The following SYCP2 variants were observed in gnomAD, a reference collection of about 807,000 sequenced individuals.
SYCP2 encodes the protein synaptonemal complex lateral element protein.
SYCP2 carries 55 observed loss-of-function variants against 211.3 expected under a neutral mutation model. The ratio of observed to expected loss-of-function variants is 0.26; its 90% CI spans 0.21 to 0.33. The LOEUF is 0.33. SYCP2 is among the 10% of genes least tolerant of loss of function. The pLI is 1.00. For synonymous variants in SYCP2, 570 were observed against 555.2 expected (o/e 1.03, Z -0.37); for missense variants, 1,731 against 1,752.0 (o/e 0.99, Z 0.21).
intron 26 of SYCP2, among the ~76,000 whole-genome samples, chr20:59,884,755 G>A (rs2059753387): frequency 1.3e-5 from 2 of 151,712 alleles, no homozygotes; most frequent in Non-Finnish European, 2.9e-5. Context: ...TGTTAAAGAA[G>A]GTAAGCAAAA....
At chr20:59,900,017 T>C (rs745610515) in intron 18 of SYCP2, 121 bp downstream of exon 18, 2 of 1,092,236 alleles carry the variant, frequency 1.8e-6, no homozygotes, top group East Asian at 2.4e-5. Flanking sequence ...AGAAACACTC[T>C]GAAATGTGAT....
intron 12 of SYCP2, 65 bp downstream of exon 12, chr20:59,913,910 C>T: frequency 8.3e-7 from 1 of 1,206,878 alleles, no homozygotes; most frequent in Non-Finnish European, 1.2e-6. Flanking sequence ...AGATGCAACA[C>T]TGGGTGCTCA....
chr20:59,892,054 T>C lies in SYCP2; in HGVS notation c.2300A>G (p.His767Arg). The change falls in exon 24 of 45, where the codon CAT (histidine) becomes CGT (arginine). Residue 767 changes from histidine to arginine, a missense_variant. By Grantham distance (29) the His-to-Arg change is conservative (BLOSUM62 0). This residue lies in a region of SYCP2 where 1,387 missense variants were observed against 1,351.3 expected (regional missense o/e 1.03). Coordinates refer to ENST00000357552, the MANE Select transcript of SYCP2 (RefSeq NM_014258.4). The part of the protein sequence containing the change: ...NPSASKNVQS[H>R]RKAEKELTSE... Reference sequence around the variant, plus strand: ...AGTCAATTCTTTCTCTGCTTTTCTATGACTTTGCACATTTTTGCTAGCAGA... The same window carrying C: ...AGTCAATTCTTTCTCTGCTTTTCTACGACTTTGCACATTTTTGCTAGCAGA... 3 of 1,610,480 alleles carry C rather than the reference T, an allele frequency of 1.9e-6. No homozygotes were observed. The highest frequency in any genetic ancestry group is 2.2e-5 in the East Asian group (1 of 44,792).
At chr20:59,912,738 C>T (rs913959510) in intron 12 of SYCP2, among the ~76,000 whole-genome samples, 1 of 152,144 alleles carries the variant, frequency 6.6e-6, no homozygotes, top group Non-Finnish European at 1.5e-5. Context: ...TCATAATTCC[C>T]ATGTGTTGTG....
At position 59,914,034 on chromosome 20, in the gene SYCP2, T is replaced by G. The variant is rs763846360; in HGVS notation, c.778-7A>C. On this transcript the variant is annotated splice_polypyrimidine_tract_variant and splice_region_variant and intron_variant, in intron 11 of 44. Transcript: ENST00000357552. ...TGAGAAATATCCTGCAATCCTAATTTTAAAGAGAAATACTTTTAAAAATCA... is the reference window on the plus strand; with the variant it reads ...TGAGAAATATCCTGCAATCCTAATTGTAAAGAGAAATACTTTTAAAAATCA... 1.0e-5 allele frequency: 16 copies of G among 1,591,420 alleles called. No homozygotes were observed. The highest frequency in any genetic ancestry group is 1.4e-5 in the Non-Finnish European group (16 of 1,169,052).
In SYCP2 at chr20:59,892,403, T is replaced by G. The variant is rs1391811122; in HGVS notation, c.1951A>C (p.Thr651Pro). Residue 651 changes from threonine to proline, a missense_variant, in exon 24 of 45, where the codon ACT (threonine) becomes CCT (proline). Thr to Pro is a conservative substitution (Grantham distance 38). This residue lies in a region of SYCP2 where 1,387 missense variants were observed against 1,351.3 expected (regional missense o/e 1.03). Transcript: ENST00000357552. The stretch of plus-strand genomic sequence containing the variant: ...ATTGAAGAGGATGATTTTTGTTTAG[T>G]AAGTTTTTTATTTATAACAATATCT... ...NQDIVINKKL[T>P]KQKSSSSISD... 2.0e-6 allele frequency: 3 copies of G among 1,537,870 alleles called. No individual in the cohort carries two copies. The highest frequency in any genetic ancestry group is 2.6e-6 in the Non-Finnish European group (3 of 1,134,794).
At chr20:59,886,905 A>T in intron 24 of SYCP2, 71 bp from the exon 25 acceptor site, 1 of 1,236,558 alleles carries the variant, frequency 8.1e-7, no homozygotes, top group Non-Finnish European at 1.1e-6. Context: ...GGCTGAAAAA[A>T]ACTTTTAAGA....
chr20:59,915,661 T>C, intron 8 of SYCP2, 111 bp from the exon 9 acceptor site: 1 of 702,516 alleles, frequency 1.4e-6, no homozygotes, highest in Non-Finnish European at 2.5e-6. Flanking sequence ...AATCACTGAG[T>C]TTTATTATGG....
intron 26 of SYCP2, among the ~76,000 whole-genome samples, chr20:59,884,290 CAATT>C (rs2059743432): frequency 1.3e-5 from 2 of 151,798 alleles, no homozygotes; most frequent in South Asian, 4.1e-4. Context: ...AAAAAGCTAT[CAATT>C]AACTAGTATT....
intron 2 of SYCP2, 73 bp from the exon 3 acceptor site, chr20:59,922,532 CACAT>C (rs1323853839): frequency 4.4e-6 from 3 of 687,546 alleles, no homozygotes; most frequent in South Asian, 2.6e-5. Context: ...ATATCTTACA[CACAT>C]AAATATGCAT....
chr20:59,919,988 T>C (rs1324642327), intron 5 of SYCP2, among the ~76,000 whole-genome samples: 1 of 151,714 alleles, frequency 6.6e-6, no homozygotes, highest in Admixed American at 6.6e-5. Context: ...ACATCTCAGA[T>C]ACTATTCTAG....
chr20:59,865,523 TTC>T (rs750644971), intron 43 of SYCP2, 48 bp downstream of exon 43: 1 of 1,573,802 alleles, frequency 6.4e-7, no homozygotes, highest in South Asian at 1.2e-5. Context: ...CATTAACAAA[TTC>T]TTTTTGTAAT....
intron 24 of SYCP2, among the ~76,000 whole-genome samples, chr20:59,887,039 A>G (rs764788266): frequency 6.6e-6 from 1 of 152,178 alleles, no homozygotes; most frequent in Admixed American, 6.6e-5. Context: ...TCTAGGGTAC[A>G]TGTGTACAAC....
Position 59,919,251 on chromosome 20 carries a change from C to T in SYCP2, c.403-69G>A, listed in dbSNP as rs958299269. ...TTACAAACCATTACAATATTATAAA[C>T]CATTACAAATGGTATTGAAATGACA... is the stretch of plus-strand genomic sequence containing the variant. On this transcript the variant is annotated intron_variant, in intron 6 of 44. Coordinates refer to ENST00000357552, the MANE Select transcript of SYCP2 (RefSeq NM_014258.4). The T allele has an allele frequency of 9.6e-6, 8 of 833,966 alleles. No homozygotes were observed. In the African/African-American group the frequency reaches 1.2e-4, roughly 13 times the overall value. The allele number at this position is 833,966 out of a possible 1,614,324, so 51.7% of individuals were successfully genotyped here.
chr20:59,876,436 C>T (rs1042287048), intron 33 of SYCP2, among the ~76,000 whole-genome samples: 15 of 119,768 alleles, frequency 1.3e-4, no homozygotes, highest in African/African-American at 4.3e-4. Flanking sequence ...AAATGTAGAC[C>T]TAAGTTAGGA....
At position 59,911,723 on chromosome 20, in the gene SYCP2, GAAT is replaced by G. The variant is rs768313016; in HGVS notation, c.972+24_972+26del. ...AATCTTATATATGCATATACATAAA[GAAT>G]AATACCAACCAAATTAAACTTACAT... On this transcript the variant is annotated intron_variant, in intron 14 of 44. Coordinates refer to ENST00000357552, the MANE Select transcript of SYCP2 (RefSeq NM_014258.4). 1.3e-5 allele frequency: 16 copies of G among 1,230,200 alleles called. No homozygotes were observed. The African/African-American group carries it at 1.4e-4, about 11-fold the overall frequency. 76.2% of individuals were successfully genotyped at this position (1,230,200 alleles called of 1,614,324 possible). A position where few individuals can be genotyped will look rare whatever the true frequency, so the allele number is the denominator to read the frequency against.
rs1212382203 is a variant in SYCP2 at position 59,869,743 on chromosome 20, T to G, written c.3741+55A>C. The G allele has an allele frequency of 3.9e-6, 4 of 1,024,008 alleles. No individual in the cohort carries two copies. In the African/African-American group the frequency reaches 6.4e-5, roughly 16 times the overall value. The allele number at this position is 1,024,008 out of a possible 1,614,324, so 63.4% of individuals were successfully genotyped here. ...CCACTAAAGGTCAGTAATCTGAGTC[T>G]TATAAGAACCATCTTAGTGTAAGGA... On this transcript the variant is annotated intron_variant, in intron 36 of 44. Transcript: ENST00000357552.
chr20:59,897,425 C>A (rs141974204), intron 18 of SYCP2, among the ~76,000 whole-genome samples: 82 of 152,234 alleles, frequency 5.4e-4, no homozygotes, highest in African/African-American at 1.9e-3. Flanking sequence ...CATATAAATG[C>A]CTCAAACAGT....
At chr20:59,924,876 G>A (rs958209104) in intron 2 of SYCP2, among the ~76,000 whole-genome samples, 1 of 151,862 alleles carries the variant, frequency 6.6e-6, no homozygotes, top group African/African-American at 2.4e-5. Flanking sequence ...GATCAAGGTA[G>A]AACATAAAGC....
Sources: gnomAD v4.1 joint callset for allele counts (sites outside exome capture counted in the v4.1 genomes callset) on GRCh38, gnomAD v4.1.1 for gene constraint, gnomAD v4.1.1 regional missense constraint, MANE v1.5 for transcripts, NCBI Gene and HGNC (gene_info 2026-07-23, HGNC 2026-07-21) for gene names.